Variants in CTNNA3 observed in about 807,000 individuals in gnomAD.
CTNNA3 encodes catenin alpha-3.
CTNNA3 carries 76 observed loss-of-function variants against 95.7 expected under a neutral mutation model. That is an observed-to-expected ratio of 0.79 (90% CI 0.66 to 0.96). The LOEUF (loss-of-function observed/expected upper bound fraction) is 0.96. Ranked by LOEUF, CTNNA3 falls within the 40% of genes least tolerant of loss-of-function variation. The pLI, the probability that CTNNA3 is intolerant of heterozygous loss-of-function variation, is 0.00. For synonymous variants in CTNNA3, 431 were observed against 374.4 expected (o/e 1.15, Z -1.74); for missense variants, 1,191 against 1,089.8 (o/e 1.09, Z -1.31).
rs144120582 is a variant in CTNNA3, at chr10:66,422,873, A to ACCC, written c.1532-43522_1532-43521insGGG. Among the ~76,000 whole-genome samples the ACCC allele has an allele frequency of 6.8e-3, 1,024 of 151,194 alleles. 6 individuals are homozygous for ACCC. Among genetic ancestry groups the ACCC allele is most frequent in the African/African-American group, 0.013 (516 of 41,060 alleles). ...TTGAACCCCTGACCTCAAGTGATCCACCTCCCTCGGCCTACCAAAGTGCTG... is the reference window on the plus strand; with the variant it reads ...TTGAACCCCTGACCTCAAGTGATCCACCCCCTCCCTCGGCCTACCAAAGTGCTG... On this transcript the variant is annotated intron_variant, in intron 11 of 17. Transcript: ENST00000433211.
intron 9 of CTNNA3, among the ~76,000 whole-genome samples, chr10:66,713,800 C>T (rs1374793467): frequency 9.2e-5 from 14 of 152,192 alleles, no homozygotes; most frequent in African/African-American, 3.1e-4. Flanking sequence ...TAATTTTTGG[C>T]TTGGCTTATA....
At chr10:67,003,901 T>A (rs756757116) in intron 7 of CTNNA3, among the ~76,000 whole-genome samples, 1 of 152,182 alleles carries the variant, frequency 6.6e-6, no homozygotes, top group East Asian at 1.9e-4. Flanking sequence ...GAGAATAAAC[T>A]GTGAGACTAT....
intron 13 of CTNNA3, among the ~76,000 whole-genome samples, chr10:66,136,646 T>C (rs1057488366): frequency 6.6e-6 from 1 of 152,158 alleles, no homozygotes; most frequent in Non-Finnish European, 1.5e-5. Context: ...TCTTGCAATG[T>C]AATTACTGCA....
At chr10:67,250,118 G>A (rs1866049373) in intron 5 of CTNNA3, among the ~76,000 whole-genome samples, 1 of 151,998 alleles carries the variant, frequency 6.6e-6, no homozygotes, top group Non-Finnish European at 1.5e-5. Context: ...GAACAGCATG[G>A]GTTTGAGCTG....
intron 5 of CTNNA3, among the ~76,000 whole-genome samples, chr10:67,362,180 C>A (rs954934011): frequency 6.6e-6 from 1 of 152,088 alleles, no homozygotes; most frequent in African/African-American, 2.4e-5. Flanking sequence ...CAGCTGAATT[C>A]TACCAGGGAT....
chr10:66,828,109 A>G (rs2132310874), intron 7 of CTNNA3, among the ~76,000 whole-genome samples: 1 of 152,378 alleles, frequency 6.6e-6, no homozygotes, highest in South Asian at 2.1e-4. Context: ...CTCAGCTGAA[A>G]CTAACACTAT....
At chr10:67,173,831 G>T (rs1862120880) in intron 7 of CTNNA3, among the ~76,000 whole-genome samples, 1 of 152,168 alleles carries the variant, frequency 6.6e-6, no homozygotes, top group Non-Finnish European at 1.5e-5. Flanking sequence ...AAACACTAGG[G>T]AGTAAAGGAA....
chr10:67,664,896 T>C (rs1461027012), intron 1 of CTNNA3, among the ~76,000 whole-genome samples: 1 of 152,200 alleles, frequency 6.6e-6, no homozygotes, highest in Non-Finnish European at 1.5e-5. Context: ...TTTAAAAATA[T>C]TTAAGTCTGC....
intron 11 of CTNNA3, among the ~76,000 whole-genome samples, chr10:66,387,380 C>A (rs1409166278): frequency 6.6e-6 from 1 of 152,104 alleles, no homozygotes; most frequent in Non-Finnish European, 1.5e-5. Context: ...AACTGCAAAT[C>A]AAAATCACAA....
intron 7 of CTNNA3, among the ~76,000 whole-genome samples, chr10:66,867,967 G>GT (rs1328664486): frequency 1.4e-5 from 2 of 147,952 alleles, no homozygotes; most frequent in Non-Finnish European, 3.0e-5. Flanking sequence ...AAATTTGAAT[G>GT]TTTTTAATAT....
chr10:67,539,729 T>C (rs557471232), intron 3 of CTNNA3, 60 bp from the exon 4 acceptor site: 1 of 1,480,594 alleles, frequency 6.8e-7, no homozygotes, highest in African/African-American at 1.4e-5. Context: ...TATTTCAGGA[T>C]TTATCAGCTA....
chr10:66,289,442 T>C (rs1464891764), intron 12 of CTNNA3, among the ~76,000 whole-genome samples: 1 of 151,752 alleles, frequency 6.6e-6, no homozygotes, highest in East Asian at 1.9e-4. Flanking sequence ...ACCCAATATA[T>C]TAACTTCGGG....
chr10:65,984,597 T>C (rs963802281), intron 16 of CTNNA3, among the ~76,000 whole-genome samples: 1 of 148,096 alleles, frequency 6.8e-6, no homozygotes, highest in Non-Finnish European at 1.5e-5. Flanking sequence ...TGAATAATGC[T>C]AAAAACAATG....
chr10:66,442,575 G>C (rs2093382850), intron 11 of CTNNA3, among the ~76,000 whole-genome samples: 1 of 152,106 alleles, frequency 6.6e-6, no homozygotes, highest in African/African-American at 2.4e-5. Flanking sequence ...CATATTGTTT[G>C]CACCAAAGAA....
intron 9 of CTNNA3, among the ~76,000 whole-genome samples, chr10:66,694,504 C>T (rs935881741): frequency 4.6e-5 from 7 of 152,032 alleles, no homozygotes; most frequent in South Asian, 2.1e-4. Context: ...CAGGACCAGA[C>T]GGATTCACAG....
chr10:67,042,861 GTAGT>G (rs1396036763), intron 7 of CTNNA3, among the ~76,000 whole-genome samples: 2 of 152,214 alleles, frequency 1.3e-5, no homozygotes, highest in South Asian at 2.1e-4. Flanking sequence ...GGAATAGGAG[GTAGT>G]TAAAGGGCAA....
At chr10:67,749,107 C>CAA (rs1432475750) in intron 1 of CTNNA3, among the ~76,000 whole-genome samples, 1 of 152,124 alleles carries the variant, frequency 6.6e-6, no homozygotes, top group Non-Finnish European at 1.5e-5. Context: ...ACTAACAATT[C>CAA]TAAATATATA....
At chr10:66,280,749 T>C in intron 12 of CTNNA3, 128 bp from the exon 13 acceptor site, 1 of 617,518 alleles carries the variant, frequency 1.6e-6, no homozygotes, top group Non-Finnish European at 2.6e-6. Context: ...TTGTATTTTT[T>C]AAATATAGAG....
intron 3 of CTNNA3, among the ~76,000 whole-genome samples, chr10:67,564,677 G>GTGTGTATATATATATA (rs1488656262): frequency 1.6e-5 from 1 of 61,334 alleles, no homozygotes; most frequent in African/African-American, 6.4e-5. Flanking sequence ...GTGTGTGTGT[G>GTGTGTATATATATATA]TATATATATA....
Sources: allele counts gnomAD v4.1 joint callset (sites outside exome capture counted in the v4.1 genomes callset), GRCh38; gene constraint gnomAD v4.1.1; transcripts MANE v1.5; gene names NCBI Gene and HGNC (gene_info 2026-07-23, HGNC 2026-07-21).